SPTBN4: variants seen among roughly 807,000 people sequenced by gnomAD.
SPTBN4 encodes the protein spectrin beta chain, non-erythrocytic 4.
SPTBN4 carries 96 observed loss-of-function variants against 277.8 expected under a neutral mutation model. The observed-to-expected ratio is 0.35, with a 90% CI of 0.29 to 0.41. The LOEUF is 0.41. Ranked by LOEUF, SPTBN4 falls within the 10% of genes least tolerant of loss-of-function variation. The pLI is 1.00. For synonymous variants in SPTBN4, 1,481 were observed against 1,580.3 expected (o/e 0.94, Z 1.49); for missense variants, 3,006 against 3,595.7 (o/e 0.84, Z 4.19).
chr19:40,523,937 G>T (rs762324531), intron 17 of SPTBN4, among the ~76,000 whole-genome samples: 14 of 152,038 alleles, frequency 9.2e-5, no homozygotes, highest in Non-Finnish European at 1.8e-4. Flanking sequence ...CCGAGTAGCT[G>T]GGGCTACAGG....
intron 17 of SPTBN4, among the ~76,000 whole-genome samples, chr19:40,527,344 CG>C (rs1456472946): frequency 9.2e-5 from 14 of 152,118 alleles, no homozygotes; most frequent in Non-Finnish European, 2.1e-4. Context: ...AAATATAAGT[CG>C]AGCGTGTACT....
At chr19:40,574,885 C>T (rs1315147187) in intron 35 of SPTBN4, among the ~76,000 whole-genome samples, 4 of 151,756 alleles carry the variant, frequency 2.6e-5, no homozygotes, top group South Asian at 2.1e-4. Flanking sequence ...CATGGTGGCA[C>T]GTGCCTGTAG....
chr19:40,480,251 C>CAAAA (rs34559298), intron 2 of SPTBN4, among the ~76,000 whole-genome samples: 7 of 93,718 alleles, frequency 7.5e-5, no homozygotes, highest in African/African-American at 2.2e-4. Context: ...GACTCCGTCT[C>CAAAA]AAAAAAAAAA....
Position 40,504,067 on chromosome 19 carries a change from A to G in SPTBN4, c.1600A>G (p.Asn534Asp). The G allele has an allele frequency of 6.3e-7, 1 of 1,590,924 alleles. No homozygotes were observed. Among genetic ancestry groups the G allele is most frequent in the Non-Finnish European group, 8.6e-7 (1 of 1,165,664 alleles). Residue 534 changes from asparagine to aspartate, a missense_variant, in exon 12 of 36, where the codon AAC (asparagine) becomes GAC (aspartate). Transcript: ENST00000598249. ...TGCCCGGCGGACACGACTTGAGCAG[A>G]ACCTTGCCCTGCAGAAGGTCTTCCA... ...VGARRTRLEQ[N>D]LALQKVFQEM...
chr19:40,554,002 T>C lies in SPTBN4; in HGVS notation c.4675-145T>C. 1.2e-6 allele frequency: 1 copy of C among 828,000 alleles called. No individual in the cohort carries two copies. The allele number at this position is 828,000 out of a possible 1,614,324, so 51.3% of individuals were successfully genotyped here. A position where few individuals can be genotyped will look rare whatever the true frequency, so the allele number is the denominator to read the frequency against. On this transcript the variant is annotated intron_variant, in intron 22 of 35. Coordinates refer to ENST00000598249, the MANE Select transcript of SPTBN4 (RefSeq NM_020971.3). The surrounding 1 kb of genome is among the most constrained non-coding windows in gnomAD (Gnocchi z 5.7). ...TGAGTGAGGGAGTATCAGCAAAATG[T>C]TTACATGGTCTTGGCACGTGGTTAG...
intron 2 of SPTBN4, among the ~76,000 whole-genome samples, chr19:40,485,527 T>C (rs926278517): frequency 2.0e-5 from 3 of 152,166 alleles, no homozygotes; most frequent in African/African-American, 7.2e-5. Context: ...TGTAACTGGC[T>C]GGTTGTGGTA....
Position 40,549,183 on chromosome 19 carries a change from C to G in SPTBN4, c.4360-6C>G. 6.5e-7 allele frequency: 1 copy of G among 1,540,256 alleles called. No individual in the cohort carries two copies. The highest frequency in any genetic ancestry group is 1.2e-5 in the South Asian group (1 of 83,326). ...GGGCCCATTGACCCTGCCTCTGTCCCCACAGTCCATGGAGTCGCAGGTGGA... is the reference window on the plus strand; with the variant it reads ...GGGCCCATTGACCCTGCCTCTGTCCGCACAGTCCATGGAGTCGCAGGTGGA... On this transcript the variant is annotated splice_region_variant and splice_polypyrimidine_tract_variant and intron_variant, in intron 20 of 35. Transcript: ENST00000598249.
intron 33 of SPTBN4, chr19:40,571,769 T>C: frequency 2.6e-6 from 1 of 388,116 alleles, no homozygotes; most frequent in African/African-American, 2.1e-5. Flanking sequence ...CTTCAGGAAA[T>C]TCAGTATGGG....
chr19:40,572,281 G>A, intron 34 of SPTBN4, 57 bp from the exon 35 acceptor site: 1 of 1,608,922 alleles, frequency 6.2e-7, no homozygotes, highest in East Asian at 2.2e-5. Context: ...ACACTTGGTG[G>A]GCAGGTGGGC....
At chr19:40,565,769 T>A (rs757351603) in intron 29 of SPTBN4, 24 bp downstream of exon 29, 25 of 1,548,920 alleles carry the variant, frequency 1.6e-5, no homozygotes, top group Non-Finnish European at 1.3e-5. Context: ...CAGGCACACG[T>A]GGTTCAAGGG....
intron 35 of SPTBN4, among the ~76,000 whole-genome samples, chr19:40,573,135 C>T (rs2081169998): frequency 6.6e-6 from 1 of 152,032 alleles, no homozygotes; most frequent in African/African-American, 2.4e-5. Flanking sequence ...CGGAAAGATC[C>T]CATCTCTATG....
intron 20 of SPTBN4, 110 bp from the exon 21 acceptor site, chr19:40,549,071 AGAGGGTGG>A: frequency 1.3e-6 from 1 of 763,970 alleles, no homozygotes; most frequent in Non-Finnish European, 2.0e-6. Context: ...CTGAACAAGG[AGAGGGTGG>A]AAGGGTGGGC....
chr19:40,531,750 T>C (rs2080677587), intron 18 of SPTBN4, among the ~76,000 whole-genome samples: 2 of 151,900 alleles, frequency 1.3e-5, no homozygotes. Context: ...GTAGGAGGAC[T>C]AGAACTGGCT....
At chr19:40,561,764 G>T (rs1276732191) in intron 27 of SPTBN4, among the ~76,000 whole-genome samples, 1 of 151,148 alleles carries the variant, frequency 6.6e-6, no homozygotes, top group African/African-American at 2.4e-5. Flanking sequence ...GGAGGTCACA[G>T]TGAGCCAAGA....
At chr19:40,473,759 C>T (rs2079914331) in intron 2 of SPTBN4, among the ~76,000 whole-genome samples, 1 of 152,074 alleles carries the variant, frequency 6.6e-6, no homozygotes, top group African/African-American at 2.4e-5. Flanking sequence ...TGGTGGGACT[C>T]TGTAAGCATA....
Position 40,556,370 on chromosome 19 carries a change from G to A in SPTBN4, c.5289+82G>A, listed in dbSNP as rs1413319433. ...TTAGTTTCCTCATCTGTAGTATGAG[G>A]ATAATAACAGCACCCGCCTCATGGC... On this transcript the variant is annotated intron_variant, in intron 25 of 35. Coordinates refer to ENST00000598249, the MANE Select transcript of SPTBN4 (RefSeq NM_020971.3). 3.2e-6 allele frequency: 4 copies of A among 1,260,652 alleles called. No homozygotes were observed. The Admixed American group carries it at 6.9e-5, about 22-fold the overall frequency. The allele number at this position is 1,260,652 out of a possible 1,614,324, so 78.1% of individuals were successfully genotyped here.
Position 40,554,230 on chromosome 19 carries a change from C to A in SPTBN4, c.4758C>A (p.Ser1586Arg). 6.6e-7 allele frequency: 1 copy of A among 1,516,956 alleles called. No homozygotes were observed. The highest frequency in any genetic ancestry group is 8.8e-7 in the Non-Finnish European group (1 of 1,140,466). The allele number at this position is 1,516,956 out of a possible 1,614,324, so 94.0% of individuals were successfully genotyped here. Reference sequence around the variant, plus strand: ...CGGGCGCGCTGGCGTCGCTGCGCAGCCCGGAGGCAGAGGCAGTGCGCCGGG... The same window carrying A: ...CGGGCGCGCTGGCGTCGCTGCGCAGACCGGAGGCAGAGGCAGTGCGCCGGG... ...ERAGALASLR[S>R]PEAEAVRRGL... is the part of the protein sequence containing the mutation. The change falls in exon 23 of 36, where the codon AGC becomes AGA. Residue 1586 changes from serine (S) to arginine (R), a missense_variant. By Grantham distance (110) the Ser-to-Arg change is moderately radical. Coordinates refer to ENST00000598249, the MANE Select transcript of SPTBN4 (RefSeq NM_020971.3). This position sits in a 1 kb window ranked among gnomAD's most constrained non-coding sequence, Gnocchi z 5.7.
chr19:40,486,462 C>G lies in SPTBN4; in HGVS notation c.170-1235C>G, dbSNP rs2080073543. ...ACAGGTCACTGCAGCCTCAACCTCC[C>G]AAGGCCAAGCGATCCTCCTGCCTCA... On this transcript the variant is annotated intron_variant, in intron 2 of 35. Transcript: ENST00000598249. Among the ~76,000 whole-genome samples the G allele has an allele frequency of 3.3e-5, 5 of 151,906 alleles. No homozygotes were observed. In the South Asian group the frequency reaches 1.0e-3, roughly 32 times the overall value.
intron 17 of SPTBN4, among the ~76,000 whole-genome samples, chr19:40,524,302 C>G (rs187219360): frequency 6.6e-6 from 1 of 151,078 alleles, no homozygotes; most frequent in African/African-American, 2.4e-5. Context: ...CTGAAGAGTT[C>G]CAGACCAGCC....
Sources: gnomAD v4.1 joint callset for allele counts (sites outside exome capture counted in the v4.1 genomes callset) on GRCh38, gnomAD v4.1.1 for gene constraint, Gnocchi (gnomAD v3.1) non-coding constraint, MANE v1.5 for transcripts, NCBI Gene and HGNC (gene_info 2026-07-23, HGNC 2026-07-21) for gene names.